Variants in RAB40C observed in about 807,000 individuals in gnomAD.
RAB40C encodes ras-related protein Rab-40C.
Under a neutral mutation model 28.1 loss-of-function variants are expected in RAB40C, and 8 were observed. The observed-to-expected ratio is 0.28, with a 90% CI of 0.17 to 0.51. RAB40C has a LOEUF of 0.51. Ranked by LOEUF, RAB40C falls within the 20% of genes least tolerant of loss-of-function variation. RAB40C has a pLI of 0.97. For synonymous variants in RAB40C, 201 were observed against 171.7 expected (o/e 1.17, Z -1.34); for missense variants, 288 against 405.9 (o/e 0.71, Z 2.50).
Position 628,192 on chromosome 16 carries a change from G to A in RAB40C, c.*570G>A, listed in dbSNP as rs528526762. On this transcript the variant is annotated 3_prime_UTR_variant, in exon 6 of 6. Coordinates refer to ENST00000248139, the MANE Select transcript of RAB40C (RefSeq NM_021168.5). The stretch of plus-strand genomic sequence containing the variant: ...GGTGACCGGGGCCCTGGCTCCCACG[G>A]GATGGAGGGTGTGGTCCTGTGGTCA... The A allele has an allele frequency of 7.9e-5, 12 of 152,772 alleles. No individual in the cohort carries two copies. Among genetic ancestry groups the A allele is most frequent in the Non-Finnish European group, 1.2e-4 (8 of 68,370 alleles). 9.5% of individuals were successfully genotyped at this position (152,772 alleles called of 1,614,324 possible). A position where few individuals can be genotyped will look rare whatever the true frequency, so the allele number is the denominator to read the frequency against.
intron 1 of RAB40C, 24 bp downstream of exon 1, chr16:590,457 G>A (rs756924745): frequency 1.9e-6 from 3 of 1,545,250 alleles, no homozygotes; most frequent in African/African-American, 2.9e-5. Context: ...CGCGGCGCGC[G>A]CTGCTACGCG....
chr16:620,623 C>T (rs1362812531), intron 3 of RAB40C, among the ~76,000 whole-genome samples: 1 of 140,336 alleles, frequency 7.1e-6, no homozygotes, highest in East Asian at 2.2e-4. Flanking sequence ...TCCCAGCCCC[C>T]CCCGACGGGC....
intron 1 of RAB40C, among the ~76,000 whole-genome samples, chr16:601,897 G>A (rs913346513): frequency 2.0e-5 from 3 of 151,486 alleles, no homozygotes; most frequent in African/African-American, 7.3e-5. Flanking sequence ...GGAGGCCGAG[G>A]TGGGTGGATC....
chr16:614,053 ACTG>A, intron 1 of RAB40C, among the ~76,000 whole-genome samples: 1 of 152,054 alleles, frequency 6.6e-6, no homozygotes, highest in Non-Finnish European at 1.5e-5. Context: ...CCGATGGTGA[ACTG>A]CTAACTCTGC....
chr16:607,076 C>T (rs2036375225), intron 1 of RAB40C, among the ~76,000 whole-genome samples: 1 of 152,228 alleles, frequency 6.6e-6, no homozygotes, highest in East Asian at 1.9e-4. Context: ...TACGCAGGCT[C>T]AGCAGCCAGC....
intron 1 of RAB40C, among the ~76,000 whole-genome samples, chr16:604,034 G>A (rs990849464): frequency 3.3e-5 from 5 of 151,580 alleles, no homozygotes; most frequent in African/African-American, 1.2e-4. Flanking sequence ...TAATGCTGAT[G>A]TGAACGAGTT....
intron 1 of RAB40C, among the ~76,000 whole-genome samples, chr16:595,411 C>T (rs1044960525): frequency 1.3e-5 from 2 of 152,134 alleles, no homozygotes; most frequent in Admixed American, 6.5e-5. Context: ...GGCTCTTCCC[C>T]TGTCCTCCTC....
At chr16:625,102 A>G (rs975735383) in intron 3 of RAB40C, 1 of 1,315,904 alleles carries the variant, frequency 7.6e-7, no homozygotes, top group Admixed American at 2.3e-5. Flanking sequence ...TAGCTTCCAC[A>G]GCTGCACGTC....
In RAB40C at chr16:626,419, C is replaced by T. The variant is rs577115817; in HGVS notation, c.565+298C>T. Among the ~76,000 whole-genome samples, 9 of 152,176 alleles carry T rather than the reference C, an allele frequency of 5.9e-5. No homozygotes were observed. The South Asian group carries it at 1.0e-3, about 18-fold the overall frequency. On this transcript the variant is annotated intron_variant, in intron 5 of 5. Coordinates refer to ENST00000248139, the MANE Select transcript of RAB40C (RefSeq NM_021168.5). Reference sequence around the variant, plus strand: ...ATTGCTGGTGTGGGCAGTGTGTGCTCGCTCCTTCCTGGTTCCGGGGCTGGT... The same window carrying T: ...ATTGCTGGTGTGGGCAGTGTGTGCTTGCTCCTTCCTGGTTCCGGGGCTGGT...
intron 3 of RAB40C, among the ~76,000 whole-genome samples, chr16:622,040 G>A (rs62030917): frequency 0.23 from 35,709 of 152,148 alleles, 5,586 homozygotes; most frequent in East Asian, 0.77. Flanking sequence ...GCTGTACCTT[G>A]GGAGCTTCAG....
At chr16:614,694 A>G (rs956836360) in intron 1 of RAB40C, among the ~76,000 whole-genome samples, 1 of 151,178 alleles carries the variant, frequency 6.6e-6, no homozygotes, top group East Asian at 2.0e-4. Context: ...TGAACTGCCT[A>G]ACTCTACCTC....
chr16:602,530 TC>T (rs2036274755), intron 1 of RAB40C, among the ~76,000 whole-genome samples: 1 of 152,104 alleles, frequency 6.6e-6, no homozygotes, highest in African/African-American at 2.4e-5. Flanking sequence ...CCTCCTGGGT[TC>T]AAGCCTCTTG....
chr16:620,425 A>T (rs2036686885), intron 3 of RAB40C, among the ~76,000 whole-genome samples: 1 of 152,232 alleles, frequency 6.6e-6, no homozygotes, highest in African/African-American at 2.4e-5. Context: ...GGTGATTTAC[A>T]TCTACAAAAA....
intron 1 of RAB40C, chr16:596,333 C>G (rs1296183587): frequency 2.2e-6 from 1 of 455,970 alleles, no homozygotes; most frequent in East Asian, 6.9e-5. Context: ...GCTGAGAAGG[C>G]GCGAAGCTGC....
intron 1 of RAB40C, among the ~76,000 whole-genome samples, chr16:594,170 G>A (rs1436648851): frequency 6.6e-6 from 1 of 152,234 alleles, no homozygotes; most frequent in African/African-American, 2.4e-5. Context: ...CTGGGAGCAA[G>A]TTTTCCTCCC....
chr16:601,865 C>T (rs935873860), intron 1 of RAB40C, among the ~76,000 whole-genome samples: 3 of 140,026 alleles, frequency 2.1e-5, no homozygotes, highest in East Asian at 2.0e-4. Flanking sequence ...CGGTGGCTCA[C>T]GCCTGTAATC....
At chr16:611,069 G>A (rs574368769) in intron 1 of RAB40C, among the ~76,000 whole-genome samples, 29 of 152,310 alleles carry the variant, frequency 1.9e-4, no homozygotes, top group African/African-American at 6.7e-4. Flanking sequence ...CGCACCGTGG[G>A]CAACCGGGTG....
rs1002233269 is a variant in RAB40C at position 629,136 on chromosome 16, C to T, written c.*1514C>T. 5 of 170,034 alleles carry T rather than the reference C, an allele frequency of 2.9e-5. No individual in the cohort carries two copies. The highest frequency in any genetic ancestry group is 1.2e-4 in the African/African-American group (5 of 42,312). The allele number at this position is 170,034 out of a possible 1,614,324, so 10.5% of individuals were successfully genotyped here. ...CCCTTGTTTGGGATTATGAACAAAC[C>T]TCACAGACTTTGAGGACCTGGATGG... On this transcript the variant is annotated 3_prime_UTR_variant, in exon 6 of 6. Transcript: ENST00000248139.
In RAB40C at chr16:627,919, A is replaced by G. The variant is rs2036876380; in HGVS notation, c.*297A>G. On this transcript the variant is annotated 3_prime_UTR_variant, in exon 6 of 6. Coordinates refer to ENST00000248139, the MANE Select transcript of RAB40C (RefSeq NM_021168.5). The stretch of plus-strand genomic sequence containing the variant: ...GCGGGGAGCCTGGTTGGCCTTTCTT[A>G]TTTATATAGAGAACACTTCACTTTT... 4.9e-6 allele frequency: 2 copies of G among 409,878 alleles called. No individual in the cohort carries two copies. Among genetic ancestry groups the G allele is most frequent in the Admixed American group, 8.2e-5 (2 of 24,490 alleles). 25.4% of individuals were successfully genotyped at this position (409,878 alleles called of 1,614,324 possible).
Sources: allele counts gnomAD v4.1 joint callset (sites outside exome capture counted in the v4.1 genomes callset), GRCh38; gene constraint gnomAD v4.1.1; transcripts MANE v1.5; gene names NCBI Gene and HGNC (gene_info 2026-07-23, HGNC 2026-07-21).